The following SEMA3E variants were observed in gnomAD, a reference collection of about 807,000 sequenced individuals.
The protein encoded by SEMA3E is semaphorin-3E.
A neutral mutation model predicts 93.6 loss-of-function variants in SEMA3E; 49 were observed. That is an observed-to-expected ratio of 0.52 (90% CI 0.42 to 0.66). SEMA3E has a LOEUF of 0.66. SEMA3E is among the 30% of genes least tolerant of loss of function. SEMA3E has a pLI of 0.00. For missense variants in SEMA3E, 906 were observed against 964.8 expected (o/e 0.94, Z 0.81); for synonymous variants, 363 against 330.7 (o/e 1.10, Z -1.06).
chr7:83,378,950 T>C (rs939649709), intron 16 of SEMA3E, among the ~76,000 whole-genome samples: 3 of 151,888 alleles, frequency 2.0e-5, no homozygotes, highest in African/African-American at 7.2e-5. Flanking sequence ...TCCATTCATA[T>C]GTTTATCACA....
At chr7:83,444,395 G>A (rs1789182039) in intron 4 of SEMA3E, among the ~76,000 whole-genome samples, 1 of 152,156 alleles carries the variant, frequency 6.6e-6, no homozygotes, top group Non-Finnish European at 1.5e-5. Flanking sequence ...ACCTGAATGT[G>A]TAGAGTTTTA....
At chr7:83,567,822 C>A (rs1159879264) in intron 1 of SEMA3E, among the ~76,000 whole-genome samples, 1 of 151,632 alleles carries the variant, frequency 6.6e-6, no homozygotes, top group African/African-American at 2.4e-5. Flanking sequence ...TTTGAATAAA[C>A]AATCTAACAA....
At chr7:83,605,717 C>A (rs537566463) in intron 1 of SEMA3E, among the ~76,000 whole-genome samples, 4 of 152,234 alleles carry the variant, frequency 2.6e-5, no homozygotes, top group African/African-American at 7.2e-5. Context: ...GGTACGTGAG[C>A]CACTGTGCCT....
At chr7:83,455,719 A>T (rs940498090) in intron 4 of SEMA3E, among the ~76,000 whole-genome samples, 2 of 152,250 alleles carry the variant, frequency 1.3e-5, no homozygotes, top group African/African-American at 4.8e-5. Flanking sequence ...AACTGAACAG[A>T]AAGATTTGCC....
At chr7:83,400,347 A>G in intron 10 of SEMA3E, 97 bp from the exon 11 acceptor site, 1 of 1,106,454 alleles carries the variant, frequency 9.0e-7, no homozygotes, top group Non-Finnish European at 1.4e-6. Context: ...TGAAGTTGTC[A>G]AATTAGTCAA....
chr7:83,471,578 A>G (rs1281511353), intron 2 of SEMA3E, among the ~76,000 whole-genome samples: 2 of 152,010 alleles, frequency 1.3e-5, no homozygotes, highest in Admixed American at 1.3e-4. Context: ...CACTGACCTC[A>G]TGTACAAAAC....
intron 2 of SEMA3E, among the ~76,000 whole-genome samples, chr7:83,487,379 A>C (rs2713190): frequency 0.47 from 70,674 of 151,912 alleles, 17,041 homozygotes; most frequent in South Asian, 0.64. Flanking sequence ...TTGAGAACTA[A>C]TTCTTCAATG....
At chr7:83,562,256 AT>A (rs1362329194) in intron 1 of SEMA3E, among the ~76,000 whole-genome samples, 1 of 151,892 alleles carries the variant, frequency 6.6e-6, no homozygotes, top group African/African-American at 2.4e-5. Flanking sequence ...TTTTTTTGTG[AT>A]TTTTTTCAGT....
chr7:83,445,337 T>G (rs979149905), intron 4 of SEMA3E, among the ~76,000 whole-genome samples: 2 of 152,172 alleles, frequency 1.3e-5, no homozygotes, highest in Non-Finnish European at 2.9e-5. Flanking sequence ...CTCTAAAACA[T>G]TTTTATATTC....
chr7:83,428,334 A>T (rs1788813880), intron 4 of SEMA3E, among the ~76,000 whole-genome samples: 1 of 152,216 alleles, frequency 6.6e-6, no homozygotes, highest in African/African-American at 2.4e-5. Flanking sequence ...AGAATATTAT[A>T]AGTACTACAG....
intron 1 of SEMA3E, among the ~76,000 whole-genome samples, chr7:83,631,448 A>G (rs1344464166): frequency 6.6e-6 from 1 of 152,214 alleles, no homozygotes; most frequent in Non-Finnish European, 1.5e-5. Context: ...GTGTATTTTA[A>G]ATTTAAAAAG....
At chr7:83,551,434 C>G (rs1316812802) in intron 1 of SEMA3E, among the ~76,000 whole-genome samples, 1 of 151,904 alleles carries the variant, frequency 6.6e-6, no homozygotes, top group African/African-American at 2.4e-5. Flanking sequence ...CAAGCAAAAT[C>G]AAACTATTTA....
intron 1 of SEMA3E, among the ~76,000 whole-genome samples, chr7:83,561,566 G>GC (rs1792030292): frequency 6.6e-6 from 1 of 151,982 alleles, no homozygotes; most frequent in Non-Finnish European, 1.5e-5. Flanking sequence ...GAGTTAAGCT[G>GC]CTTTTTTTAA....
chr7:83,406,138 G>A, intron 7 of SEMA3E, 79 bp from the exon 8 acceptor site: 1 of 1,010,570 alleles, frequency 9.9e-7, no homozygotes, highest in Non-Finnish European at 1.6e-6. Context: ...TAAACATGCA[G>A]TTGCCAAGAG....
At chr7:83,579,042 T>C (rs903451467) in intron 1 of SEMA3E, among the ~76,000 whole-genome samples, 2 of 152,126 alleles carry the variant, frequency 1.3e-5, no homozygotes, top group Non-Finnish European at 2.9e-5. Flanking sequence ...AGTGTGGCCA[T>C]GCTTTATTAA....
chr7:83,622,122 G>C (rs948514431), intron 1 of SEMA3E, among the ~76,000 whole-genome samples: 1 of 151,816 alleles, frequency 6.6e-6, no homozygotes, highest in Non-Finnish European at 1.5e-5. Flanking sequence ...CAGTCGACGA[G>C]GAACTTAAAC....
Position 83,481,361 on chromosome 7 carries a change from A to AAAAT in SEMA3E, c.276+8749_276+8752dup, listed in dbSNP as rs560280441. On this transcript the variant is annotated intron_variant, in intron 2 of 16. Transcript: ENST00000643230. ...TGCACTAAAGGACACTAGAGAAAGCAAAATAAATAAATAAATAAATAAAAC... is the reference window on the plus strand; with the variant it reads ...TGCACTAAAGGACACTAGAGAAAGCAAAATAAATAAATAAATAAATAAATAAAAC... 4.5e-3 allele frequency among the ~76,000 whole-genome samples: 684 copies of AAAAT among 152,234 alleles called. 4 individuals carry two copies. Among genetic ancestry groups the AAAAT allele is most frequent in the African/African-American group, 0.015 (632 of 41,530 alleles).
intron 16 of SEMA3E, 68 bp downstream of exon 16, chr7:83,385,226 A>T: frequency 6.4e-7 from 1 of 1,552,432 alleles, no homozygotes. Context: ...CATCCAAATA[A>T]ATCATCTATT....
intron 1 of SEMA3E, among the ~76,000 whole-genome samples, chr7:83,588,077 G>C (rs1385924079): frequency 6.6e-6 from 1 of 151,914 alleles, no homozygotes; most frequent in African/African-American, 2.4e-5. Context: ...TATAATACTT[G>C]ATTATCACAA....
Sources: gnomAD v4.1 joint callset for allele counts (sites outside exome capture counted in the v4.1 genomes callset) on GRCh38, gnomAD v4.1.1 for gene constraint, MANE v1.5 for transcripts, NCBI Gene and HGNC (gene_info 2026-07-23, HGNC 2026-07-21) for gene names.